Variants in MRPL45 observed in about 807,000 individuals in gnomAD.
MRPL45 encodes large ribosomal subunit protein mL45.
A neutral mutation model predicts 38.1 loss-of-function variants in MRPL45; 20 were observed. That is an observed-to-expected ratio of 0.53 (90% CI 0.37 to 0.76). The LOEUF (loss-of-function observed/expected upper bound fraction) is 0.76. Ranked by LOEUF, MRPL45 falls within the 30% of genes least tolerant of loss-of-function variation. The probability of loss-of-function intolerance (pLI) is 0.00; values close to 1 mark genes in which losing one functional copy is unlikely to be tolerated. For synonymous variants in MRPL45, 105 were observed against 128.8 expected (o/e 0.82, Z 1.25); for missense variants, 337 against 395.6 (o/e 0.85, Z 1.26).
chr17:38,322,394 T>G, intron 7 of MRPL45, 95 bp downstream of exon 7: 1 of 677,994 alleles, frequency 1.5e-6, no homozygotes, highest in Non-Finnish European at 2.1e-6. Flanking sequence ...GAGGGGGTGA[T>G]GCACCACCCA....
intron 4 of MRPL45, among the ~76,000 whole-genome samples, chr17:38,317,917 C>T (rs980568436): frequency 3.3e-5 from 5 of 151,834 alleles, no homozygotes; most frequent in Non-Finnish European, 4.4e-5. Context: ...CAGCATGACT[C>T]GGCCACTCTG....
intron 4 of MRPL45, among the ~76,000 whole-genome samples, chr17:38,316,827 C>T (rs2037178445): frequency 6.9e-6 from 1 of 144,538 alleles, no homozygotes; most frequent in South Asian, 2.3e-4. Context: ...GAGACGGAGT[C>T]TTGCTCTGTT....
intron 4 of MRPL45, among the ~76,000 whole-genome samples, chr17:38,313,462 T>C (rs1024085738): frequency 2.8e-5 from 4 of 143,916 alleles, no homozygotes; most frequent in African/African-American, 1.1e-4. Context: ...GCTTAAGCAA[T>C]CCTCTTGCCT....
chr17:38,316,090 A>AT (rs1160763667), intron 4 of MRPL45, among the ~76,000 whole-genome samples: 2 of 151,214 alleles, frequency 1.3e-5, no homozygotes, highest in Admixed American at 6.6e-5. Context: ...ATTTCTTCAA[A>AT]TTTTTTTTCT....
chr17:38,321,296 C>T (rs112909440), intron 6 of MRPL45, among the ~76,000 whole-genome samples: 2,297 of 152,260 alleles, frequency 0.015, 51 homozygotes, highest in African/African-American at 0.051. Context: ...TTGACTTCCC[C>T]GTCTCTCTGC....
At chr17:38,303,325 T>TCTCA (rs1167377803) in intron 3 of MRPL45, among the ~76,000 whole-genome samples, 8 of 131,478 alleles carry the variant, frequency 6.1e-5, no homozygotes, top group African/African-American at 2.4e-4. Context: ...TGAGAGGGAG[T>TCTCA]CTCACTCTGT....
chr17:38,311,406 A>C (rs1413006651), intron 4 of MRPL45, among the ~76,000 whole-genome samples: 3 of 151,902 alleles, frequency 2.0e-5, no homozygotes, highest in African/African-American at 7.3e-5. Context: ...AGACCCGGGG[A>C]TCCAGGTGTG....
chr17:38,306,131 C>A (rs1180426392), intron 3 of MRPL45, among the ~76,000 whole-genome samples: 1 of 151,222 alleles, frequency 6.6e-6, no homozygotes, highest in African/African-American at 2.4e-5. Context: ...AATTATTGGC[C>A]GGGCGTGGTA....
intron 4 of MRPL45, among the ~76,000 whole-genome samples, chr17:38,310,551 A>G (rs940389333): frequency 4.0e-5 from 6 of 151,616 alleles, no homozygotes; most frequent in African/African-American, 1.5e-4. Context: ...CTGGTCTCGA[A>G]CTCCTGACTT....
At chr17:38,319,428 C>T (rs927483952) in intron 5 of MRPL45, among the ~76,000 whole-genome samples, 21 of 152,096 alleles carry the variant, frequency 1.4e-4, no homozygotes, top group Admixed American at 5.2e-4. Context: ...CTCGGCCTCC[C>T]AAAGTGCTGG....
intron 4 of MRPL45, among the ~76,000 whole-genome samples, chr17:38,314,619 C>T (rs1240788579): frequency 6.6e-6 from 1 of 152,054 alleles, no homozygotes; most frequent in African/African-American, 2.4e-5. Context: ...GTCTTTGCTC[C>T]ATTTTGAGTT....
intron 4 of MRPL45, among the ~76,000 whole-genome samples, chr17:38,316,861 G>A (rs1029444041): frequency 6.6e-6 from 1 of 151,128 alleles, no homozygotes; most frequent in African/African-American, 2.4e-5. Context: ...GCAGTGGCGC[G>A]ATCTTGGCTC....
At chr17:38,319,082 A>G (rs561953719) in intron 5 of MRPL45, among the ~76,000 whole-genome samples, 1 of 150,458 alleles carries the variant, frequency 6.6e-6, no homozygotes, top group East Asian at 2.0e-4. Context: ...GTCGCCCAGG[A>G]TGGAGTGCAG....
chr17:38,301,520 C>T (rs1353055528), intron 3 of MRPL45, among the ~76,000 whole-genome samples: 2 of 152,264 alleles, frequency 1.3e-5, no homozygotes, highest in Non-Finnish European at 1.5e-5. Context: ...GGATTACAGG[C>T]GTGAGCCACC....
chr17:38,317,375 C>A (rs1304717261), intron 4 of MRPL45, among the ~76,000 whole-genome samples: 1 of 152,054 alleles, frequency 6.6e-6, no homozygotes, highest in Non-Finnish European at 1.5e-5. Flanking sequence ...AATCCCTTAC[C>A]CATTCTGGGC....
intron 3 of MRPL45, among the ~76,000 whole-genome samples, chr17:38,304,615 C>T (rs1357653747): frequency 6.6e-6 from 1 of 152,188 alleles, no homozygotes; most frequent in African/African-American, 2.4e-5. Context: ...GCGATCTTGA[C>T]TTACTACAAC....
At position 38,323,054 on chromosome 17, in the gene MRPL45, G is replaced by A. The variant is rs182353543; in HGVS notation, c.*459G>A. On this transcript the variant is annotated 3_prime_UTR_variant, in exon 8 of 8. Coordinates refer to ENST00000613675, the MANE Select transcript of MRPL45 (RefSeq NM_032351.6). ...CCTTCAGATGGCAGAAGTGGAAGAT[G>A]AGCCTACTTGTGAGCGATGTGACTT... 17 of 158,448 alleles carry A rather than the reference G, an allele frequency of 1.1e-4. No homozygotes were observed. The highest frequency in any genetic ancestry group is 2.4e-4 in the Admixed American group (4 of 16,386). 9.8% of individuals were successfully genotyped at this position (158,448 alleles called of 1,614,324 possible).
intron 4 of MRPL45, among the ~76,000 whole-genome samples, chr17:38,316,571 G>A (rs1329083417): frequency 6.6e-6 from 1 of 151,530 alleles, no homozygotes; most frequent in East Asian, 1.9e-4. Context: ...TACTTTGGGA[G>A]GCCGAGGCGG....
chr17:38,322,620 A>G lies in MRPL45; in HGVS notation c.*25A>G. On this transcript the variant is annotated 3_prime_UTR_variant, in exon 8 of 8. Coordinates refer to ENST00000613675, the MANE Select transcript of MRPL45 (RefSeq NM_032351.6). ...ATGACAAAAATGACTTCTAGGGTGA[A>G]GCCTGGGTGATGAGGCTGCTGGAAG... 6.3e-7 allele frequency: 1 copy of G among 1,581,872 alleles called. No homozygotes were observed. Among genetic ancestry groups the G allele is most frequent in the Non-Finnish European group, 8.7e-7 (1 of 1,154,694 alleles).
Sources: gnomAD v4.1 joint callset for allele counts (sites outside exome capture counted in the v4.1 genomes callset) on GRCh38, gnomAD v4.1.1 for gene constraint, MANE v1.5 for transcripts, NCBI Gene and HGNC (gene_info 2026-07-23, HGNC 2026-07-21) for gene names.